PIBF1: variants seen among roughly 807,000 people sequenced by gnomAD.
PIBF1 encodes the protein progesterone immunomodulatory binding factor 1, also known as progesterone-induced-blocking factor 1.
A neutral mutation model predicts 112.5 loss-of-function variants in PIBF1; 90 were observed. The ratio of observed to expected loss-of-function variants is 0.80; its 90% confidence interval spans 0.67 to 0.95. PIBF1 has a LOEUF of 0.95. Ranked by LOEUF, PIBF1 falls within the 40% of genes least tolerant of loss-of-function variation. The pLI is 0.00. For synonymous variants in PIBF1, 301 were observed against 288.6 expected (o/e 1.04, Z -0.44); for missense variants, 915 against 852.3 (o/e 1.07, Z -0.92).
intron 11 of PIBF1, among the ~76,000 whole-genome samples, chr13:72,894,732 T>C (rs2040198056): frequency 6.8e-6 from 1 of 147,624 alleles, no homozygotes; most frequent in Admixed American, 6.9e-5. Context: ...CTAGGCTGCA[T>C]ATATGTACAA....
At chr13:72,792,999 AAATT>A (rs1375546477) in intron 3 of PIBF1, among the ~76,000 whole-genome samples, 3 of 152,240 alleles carry the variant, frequency 2.0e-5, no homozygotes, top group Non-Finnish European at 4.4e-5. Flanking sequence ...ACAATGAAAT[AAATT>A]CTTTGGAACG....
chr13:73,000,366 A>G (rs748176254), intron 17 of PIBF1, among the ~76,000 whole-genome samples: 6 of 152,206 alleles, frequency 3.9e-5, no homozygotes, highest in Non-Finnish European at 7.3e-5. Flanking sequence ...TCTAATTGGC[A>G]TAGCTAATTC....
intron 16 of PIBF1, among the ~76,000 whole-genome samples, chr13:72,985,286 G>A (rs185506788): frequency 1.5e-3 from 220 of 151,594 alleles, no homozygotes; most frequent in African/African-American, 5.2e-3. Context: ...CCAACACTTC[G>A]GGAGGCCGAA....
chr13:72,833,298 T>C (rs2037205638), intron 8 of PIBF1, among the ~76,000 whole-genome samples: 1 of 152,164 alleles, frequency 6.6e-6, no homozygotes, highest in South Asian at 2.1e-4. Context: ...CACCGTCCAG[T>C]TTTGTTCTCT....
At chr13:72,959,882 G>A (rs2042558689) in intron 14 of PIBF1, among the ~76,000 whole-genome samples, 1 of 152,108 alleles carries the variant, frequency 6.6e-6, no homozygotes, top group Admixed American at 6.5e-5. Context: ...TAATTACTAA[G>A]GCTTTCCTAT....
intron 9 of PIBF1, among the ~76,000 whole-genome samples, chr13:72,839,604 G>A (rs1369398694): frequency 1.3e-5 from 2 of 152,036 alleles, no homozygotes; most frequent in East Asian, 3.9e-4. Flanking sequence ...GGCTTTTGTT[G>A]ACTGATATAA....
intron 5 of PIBF1, among the ~76,000 whole-genome samples, chr13:72,804,140 G>C (rs2138018001): frequency 6.6e-6 from 1 of 151,932 alleles, no homozygotes; most frequent in East Asian, 1.9e-4. Flanking sequence ...CTTTTCCAAT[G>C]GTGTCATTAA....
intron 5 of PIBF1, among the ~76,000 whole-genome samples, chr13:72,801,153 T>C (rs912694266): frequency 6.6e-6 from 1 of 152,220 alleles, no homozygotes; most frequent in Admixed American, 6.5e-5. Context: ...GAGGTCATCA[T>C]ACAGACTTTG....
intron 7 of PIBF1, among the ~76,000 whole-genome samples, chr13:72,827,438 A>T (rs2036870025): frequency 1.3e-5 from 2 of 151,820 alleles, no homozygotes; most frequent in African/African-American, 4.8e-5. Context: ...TAGTAGAAAC[A>T]GGGTTTCACC....
chr13:72,783,733 T>C lies in PIBF1; in HGVS notation c.252+12T>C, dbSNP rs1404929656. ...ATTATCTTACAAAGGTAAGATCAGG[T>C]TTAAATTTTGTGTTCTATATGCTTT... On this transcript the variant is annotated intron_variant, in intron 2 of 17. Coordinates refer to ENST00000326291, the MANE Select transcript of PIBF1 (RefSeq NM_006346.4). 4 of 1,610,712 alleles carry C rather than the reference T, an allele frequency of 2.5e-6. No individual in the cohort carries two copies. Among genetic ancestry groups the C allele is most frequent in the Non-Finnish European group, 3.4e-6 (4 of 1,177,566 alleles).
At chr13:72,982,356 G>C (rs909978496) in intron 16 of PIBF1, among the ~76,000 whole-genome samples, 6 of 151,956 alleles carry the variant, frequency 3.9e-5, no homozygotes, top group African/African-American at 1.2e-4. Context: ...GGATTGCTTG[G>C]GCCTGAGAGG....
At chr13:72,876,271 C>T (rs1703616522) in intron 10 of PIBF1, among the ~76,000 whole-genome samples, 1 of 151,124 alleles carries the variant, frequency 6.6e-6, no homozygotes, top group African/African-American at 2.4e-5. Flanking sequence ...TCAGGGCTCT[C>T]TATTCTGTTC....
At chr13:72,814,853 A>G (rs1339494401) in intron 5 of PIBF1, among the ~76,000 whole-genome samples, 3 of 152,240 alleles carry the variant, frequency 2.0e-5, no homozygotes, top group Admixed American at 2.0e-4. Context: ...AAATACATAC[A>G]GTTCTATGGC....
At chr13:72,868,270 C>G (rs1486266596) in intron 10 of PIBF1, among the ~76,000 whole-genome samples, 1 of 151,110 alleles carries the variant, frequency 6.6e-6, no homozygotes, top group Non-Finnish European at 1.5e-5. Flanking sequence ...CACTATGCCC[C>G]TGCCTGAGCA....
rs189609399 is a variant in PIBF1, at chr13:72,889,494, C to A, written c.1323-4290C>A. 7.3e-3 allele frequency among the ~76,000 whole-genome samples: 1,117 copies of A among 152,256 alleles called. 5 individuals carry two copies. Among genetic ancestry groups the A allele is most frequent in the South Asian group, 0.016 (75 of 4,828 alleles). ...TATTCTTTCTTTATTGACCCATCTC[C>A]CCATATTTCAACATAAAGTTGAAAA... On this transcript the variant is annotated intron_variant, in intron 10 of 17. Transcript: ENST00000326291.
intron 13 of PIBF1, among the ~76,000 whole-genome samples, chr13:72,920,647 C>T (rs1000741525): frequency 6.6e-6 from 1 of 152,066 alleles, no homozygotes; most frequent in African/African-American, 2.4e-5. Flanking sequence ...TGGAGCCAGA[C>T]GCACTGGCAT....
At chr13:72,815,295 T>C (rs1353201006) in intron 5 of PIBF1, among the ~76,000 whole-genome samples, 2 of 152,248 alleles carry the variant, frequency 1.3e-5, no homozygotes, top group Non-Finnish European at 2.9e-5. Context: ...AGCAAATTCA[T>C]GGAGAATAGC....
At chr13:73,013,422 A>G (rs1369768203) in intron 17 of PIBF1, among the ~76,000 whole-genome samples, 1 of 151,800 alleles carries the variant, frequency 6.6e-6, no homozygotes, top group Non-Finnish European at 1.5e-5. Flanking sequence ...ACACCAAACC[A>G]CAGACCCAGA....
chr13:72,942,477 T>C (rs2042040015), intron 14 of PIBF1, among the ~76,000 whole-genome samples: 1 of 152,174 alleles, frequency 6.6e-6, no homozygotes, highest in Admixed American at 6.5e-5. Context: ...GAATCCCTTG[T>C]GATCTTTTTA....
Sources: allele counts gnomAD v4.1 joint callset (sites outside exome capture counted in the v4.1 genomes callset), GRCh38; gene constraint gnomAD v4.1.1; transcripts MANE v1.5; gene names NCBI Gene and HGNC (gene_info 2026-07-23, HGNC 2026-07-21).